CCT4: variants seen among roughly 807,000 people sequenced by gnomAD.
CCT4 encodes the protein T-complex protein 1 subunit delta.
A neutral mutation model predicts 62.5 loss-of-function variants in CCT4; 17 were observed. That is an observed-to-expected ratio of 0.27 (90% CI 0.19 to 0.41). The LOEUF is 0.41. Among genes scored for constraint, CCT4 ranks in the 10% least tolerant of loss-of-function variants. The probability of loss-of-function intolerance (pLI) is 1.00; values close to 1 mark genes in which losing one functional copy is unlikely to be tolerated. For missense variants in CCT4, 592 were observed against 659.2 expected, an observed-to-expected ratio of 0.90 and a Z score of 1.12; for synonymous variants, 250 against 229.9, an observed-to-expected ratio of 1.09 and a Z score of -0.79.
intron 12 of CCT4, 38 bp downstream of exon 12, chr2:61,872,044 T>C (rs761185511): frequency 1.5e-6 from 2 of 1,363,098 alleles, no homozygotes; most frequent in African/African-American, 2.9e-5. Context: ...ATATTTTAAA[T>C]TAATCAATAT....
At chr2:61,884,736 C>G (rs912688148) in intron 2 of CCT4, among the ~76,000 whole-genome samples, 18 of 152,058 alleles carry the variant, frequency 1.2e-4, no homozygotes, top group African/African-American at 4.3e-4. Context: ...TCAAGCAATT[C>G]TCCTGCCACA....
rs1669304045 is a variant in CCT4 at position 61,888,217 on chromosome 2, G to A, written c.127+164C>T. The A allele has an allele frequency of 4.8e-6, 4 of 827,412 alleles. No individual in the cohort carries two copies. The East Asian group carries it at 8.9e-5, about 18-fold the overall frequency. 51.3% of individuals were successfully genotyped at this position (827,412 alleles called of 1,614,324 possible). On this transcript the variant is annotated intron_variant, in intron 1 of 13. Transcript: ENST00000394440. ...TCCATACTCCGGGTTGGCGATCATC[G>A]GCAGAAAAACAGAAATAAGGATCCC...
chr2:61,887,449 G>A (rs1310298640), intron 1 of CCT4, among the ~76,000 whole-genome samples: 1 of 152,134 alleles, frequency 6.6e-6, no homozygotes, highest in African/African-American at 2.4e-5. Context: ...AGGACACCAG[G>A]CCTTTAACAT....
At chr2:61,879,051 T>A in intron 4 of CCT4, 40 bp from the exon 5 acceptor site, 1 of 1,483,508 alleles carries the variant, frequency 6.7e-7, no homozygotes, top group Non-Finnish European at 9.2e-7. Flanking sequence ...TTGTAACAGG[T>A]AAACTACACA....
At chr2:61,881,597 T>G (rs925694254) in intron 3 of CCT4, among the ~76,000 whole-genome samples, 3 of 152,324 alleles carry the variant, frequency 2.0e-5, no homozygotes, top group Middle Eastern at 3.4e-3. Flanking sequence ...ACTAAATATT[T>G]TTGAAGCAAA....
intron 8 of CCT4, among the ~76,000 whole-genome samples, chr2:61,874,358 A>G (rs1668952238): frequency 6.6e-6 from 1 of 152,092 alleles, no homozygotes; most frequent in Admixed American, 6.6e-5. Context: ...GGTGGCTCAC[A>G]TCTGTAATCC....
intron 10 of CCT4, 150 bp downstream of exon 10, chr2:61,872,852 G>A (rs1441114569): frequency 2.4e-5 from 16 of 674,602 alleles, no homozygotes; most frequent in South Asian, 9.2e-5. Context: ...GCATGAACCC[G>A]GGAGGCGGAG....
At chr2:61,877,106 C>T (rs1032449269) in intron 6 of CCT4, 54 bp from the exon 7 acceptor site, 192 of 1,481,398 alleles carry the variant, frequency 1.3e-4, no homozygotes, top group Non-Finnish European at 1.7e-4. Flanking sequence ...GACATCTGTA[C>T]GTTTAATAGA....
intron 8 of CCT4, among the ~76,000 whole-genome samples, chr2:61,873,516 T>C (rs1482597001): frequency 6.6e-6 from 1 of 152,186 alleles, no homozygotes; most frequent in Non-Finnish European, 1.5e-5. Context: ...CCAATGACAC[T>C]ATAAAACACA....
chr2:61,886,623 T>C (rs1669256892), intron 1 of CCT4, among the ~76,000 whole-genome samples: 1 of 152,182 alleles, frequency 6.6e-6, no homozygotes, highest in Non-Finnish European at 1.5e-5. Context: ...ATAACTTAGG[T>C]GGCCTTTCCT....
intron 11 of CCT4, 59 bp downstream of exon 11, chr2:61,872,399 A>AAT: frequency 6.9e-7 from 1 of 1,441,586 alleles, no homozygotes; most frequent in Non-Finnish European, 9.4e-7. Flanking sequence ...TCTTTAAAAA[A>AAT]TAGAATATAA....
chr2:61,873,220 C>G lies in CCT4; in HGVS notation c.991G>C (p.Glu331Gln), dbSNP rs765680469. 26 of 1,512,752 alleles carry G rather than the reference C, an allele frequency of 1.7e-5. No individual in the cohort carries two copies. Among genetic ancestry groups the G allele is most frequent in the Non-Finnish European group, 2.2e-5 (24 of 1,088,216 alleles). 93.7% of individuals were successfully genotyped at this position (1,512,752 alleles called of 1,614,324 possible). The change falls in exon 9 of 14, where the codon GAA (glutamate) becomes CAA (glutamine). Residue 331 changes from glutamate to glutamine, a missense_variant. Glu to Gln is a conservative substitution (Grantham distance 29, BLOSUM62 2). Transcript: ENST00000394440. Reference protein sequence around the residue: ...KIMVIKDIEREDIEFICKTIG... With the variant: ...KIMVIKDIERQDIEFICKTIG... ...ACCTTACAAATGAATTCAATGTCTT[C>G]TCTTTCAATATCCTTAATCACCATG...
At chr2:61,876,477 T>C (rs979493650) in intron 7 of CCT4, among the ~76,000 whole-genome samples, 8 of 152,196 alleles carry the variant, frequency 5.3e-5, no homozygotes, top group African/African-American at 1.4e-4. Context: ...AACCAAAAAA[T>C]ATAAAATGGT....
At position 61,885,059 on chromosome 2, in the gene CCT4, A is replaced by G. The variant is rs766657562; in HGVS notation, c.141T>C (p.Ala47=). 3.2e-5 allele frequency: 49 copies of G among 1,554,670 alleles called. No individual in the cohort carries two copies. The highest frequency in any genetic ancestry group is 4.1e-5 in the Non-Finnish European group (47 of 1,158,856). ...NISAAKAVAD[A]IRTSLGPKGM... is the part of the protein sequence containing the mutation. ...CTTTTGGTCCAAGGCTTGTTCTAAT[A>G]GCATCAGCAACCGCTGCAGATGGGG... Residue 47 remains alanine, a synonymous_variant, in exon 2 of 14, where the codon GCT becomes GCC. Transcript: ENST00000394440.
intron 12 of CCT4, among the ~76,000 whole-genome samples, chr2:61,870,765 C>A (rs1668867140): frequency 6.6e-6 from 1 of 151,712 alleles, no homozygotes; most frequent in Non-Finnish European, 1.5e-5. Flanking sequence ...CTAAAAAATA[C>A]AAAAAAATTA....
chr2:61,873,161 A>G (rs767449319), intron 9 of CCT4, 36 bp downstream of exon 9: 1 of 1,460,796 alleles, frequency 6.8e-7, no homozygotes, highest in Non-Finnish European at 9.6e-7. Flanking sequence ...TCTAATTATC[A>G]GACATTTTCC....
At chr2:61,885,751 G>A (rs1300229068) in intron 1 of CCT4, 1 of 115,370 alleles carries the variant, frequency 8.7e-6, no homozygotes, top group Admixed American at 8.4e-5. Flanking sequence ...ACATTTTGAG[G>A]ATTCATCTCA....
chr2:61,869,384 A>G, intron 13 of CCT4, 56 bp downstream of exon 13: 1 of 968,770 alleles, frequency 1.0e-6, no homozygotes, highest in Non-Finnish European at 1.6e-6. Context: ...AAAAACCTTT[A>G]AAAAATATAT....
intron 3 of CCT4, among the ~76,000 whole-genome samples, chr2:61,882,016 C>T (rs567153383): frequency 1.8e-3 from 278 of 151,962 alleles, no homozygotes; most frequent in Non-Finnish European, 3.4e-3. Flanking sequence ...TCACTGCAAC[C>T]TCTGCCTCCC....
Sources: gnomAD v4.1 joint callset for allele counts (sites outside exome capture counted in the v4.1 genomes callset) on GRCh38, gnomAD v4.1.1 for gene constraint, MANE v1.5 for transcripts, NCBI Gene and HGNC (gene_info 2026-07-23, HGNC 2026-07-21) for gene names.